PHKG1: variants seen among roughly 807,000 people sequenced by gnomAD.
PHKG1 encodes the protein phosphorylase kinase catalytic subunit gamma 1.
PHKG1 carries 48 observed loss-of-function variants against 50.5 expected under a neutral mutation model. The observed-to-expected ratio is 0.95, with a 90% CI of 0.75 to 1.21. PHKG1 has a LOEUF of 1.21. Ranked by LOEUF, PHKG1 falls within the 50% of genes most tolerant of loss-of-function variation. PHKG1 has a pLI of 0.00. For synonymous variants in PHKG1, 204 were observed against 212.8 expected (o/e 0.96, Z 0.36); for missense variants, 487 against 519.5 (o/e 0.94, Z 0.61).
At chr7:56,087,915 G>A in intron 2 of PHKG1, 139 bp from the exon 3 acceptor site, 2 of 656,204 alleles carry the variant, frequency 3.0e-6, no homozygotes, top group Non-Finnish European at 5.2e-6. Context: ...TTTGGAAATG[G>A]TGGATGAATA....
chr7:56,089,853 G>T (rs961068087), intron 1 of PHKG1, among the ~76,000 whole-genome samples: 25 of 151,990 alleles, frequency 1.6e-4, no homozygotes, highest in Non-Finnish European at 2.9e-4. Flanking sequence ...TAGAGACGGG[G>T]TCTCCCTATG....
intron 3 of PHKG1, 21 bp from the exon 4 acceptor site, chr7:56,087,045 T>C (rs769601308): frequency 6.3e-7 from 1 of 1,581,000 alleles, no homozygotes. Context: ...AATGGCTAGC[T>C]TGTCTCAAGT....
Position 56,082,257 on chromosome 7 carries a change from C to T in PHKG1, c.548-4G>A. ...TAACTGGGGGTCCCGCAGACCTCTG[C>T]AGGAACAGTCATCATCAGGGCAGGT... is the stretch of plus-strand genomic sequence containing the variant. On this transcript the variant is annotated splice_polypyrimidine_tract_variant and splice_region_variant and intron_variant, in intron 6 of 9. Transcript: ENST00000297373. 3 of 1,611,198 alleles carry T rather than the reference C, an allele frequency of 1.9e-6. No homozygotes were observed. The East Asian group carries it at 6.7e-5, about 36-fold the overall frequency.
intron 4 of PHKG1, among the ~76,000 whole-genome samples, chr7:56,085,906 G>A (rs1019653869): frequency 5.3e-5 from 8 of 151,190 alleles, no homozygotes; most frequent in African/African-American, 1.7e-4. Flanking sequence ...CCCAGGAGAC[G>A]GAGGTTGCAG....
chr7:56,087,046 T>C (rs772929955), intron 3 of PHKG1, 22 bp from the exon 4 acceptor site: 127 of 1,596,768 alleles, frequency 8.0e-5, no homozygotes, highest in Middle Eastern at 1.8e-4. Flanking sequence ...ATGGCTAGCT[T>C]GTCTCAAGTA....
In PHKG1 at chr7:56,081,755, C is replaced by T; in HGVS notation, c.793G>A (p.Val265Ile). The T allele has an allele frequency of 6.2e-7, 1 of 1,613,120 alleles. No individual in the cohort carries two copies. Among genetic ancestry groups the T allele is most frequent in the Non-Finnish European group, 8.5e-7 (1 of 1,179,436 alleles). ...GGTTGCACCACCAGGAATCGGGAGA[C>T]CTGTGAGAGGAGGAGAGGGGAACCG... Reference protein sequence around the residue: ...DDYSDTVKDLVSRFLVVQPQN... With the variant: ...DDYSDTVKDLISRFLVVQPQN... Residue 265 changes from valine to isoleucine, a missense_variant and splice_region_variant, in exon 9 of 10, where the codon GTC becomes ATC. Physicochemically the swap from Val to Ile is conservative, Grantham distance 29. Coordinates refer to ENST00000297373, the MANE Select transcript of PHKG1 (RefSeq NM_006213.5). This position sits in a 1 kb window ranked among gnomAD's most constrained non-coding sequence, Gnocchi z 4.6.
chr7:56,085,579 T>C (rs542905426), intron 4 of PHKG1, among the ~76,000 whole-genome samples: 1 of 152,310 alleles, frequency 6.6e-6, no homozygotes, highest in Admixed American at 6.5e-5. Flanking sequence ...ATGCAACCTC[T>C]ACCACCTGCC....
intron 4 of PHKG1, among the ~76,000 whole-genome samples, 163 bp from the exon 5 acceptor site, chr7:56,083,878 G>A (rs1042501777): frequency 4.6e-5 from 7 of 152,218 alleles, no homozygotes; most frequent in African/African-American, 1.7e-4. Context: ...AGTGAGAAGT[G>A]TTCTGGAAGA....
rs768793774 is a variant in PHKG1, at chr7:56,087,679, G to A, written c.181C>T (p.Pro61Ser). 1 of 1,613,994 alleles carries A rather than the reference G, an allele frequency of 6.2e-7. No individual in the cohort carries two copies. Among genetic ancestry groups the A allele is most frequent in the Non-Finnish European group, 8.5e-7 (1 of 1,180,030 alleles). Residue 61 changes from proline to serine, a missense_variant, in exon 3 of 10, where the codon CCG becomes TCG. Physicochemically the swap from Pro to Ser is moderately conservative, Grantham distance 74. Transcript: ENST00000297373. ...TCTCGCAGCTCCCGCACCTCCTCCG[G>A]GCTGAAGCTGCCTCCACCGGTGACG... is the stretch of plus-strand genomic sequence containing the variant. ...IDVTGGGSFSPEEVRELREAT... is the reference protein window; with the variant it reads ...IDVTGGGSFSSEEVRELREAT...
Position 56,080,890 on chromosome 7 carries a change from G to A in PHKG1, c.*164C>T. 1.3e-6 allele frequency: 1 copy of A among 794,922 alleles called. No homozygotes were observed. 49.2% of individuals were successfully genotyped at this position (794,922 alleles called of 1,614,324 possible). A position where few individuals can be genotyped will look rare whatever the true frequency, so the allele number is the denominator to read the frequency against. On this transcript the variant is annotated 3_prime_UTR_variant, in exon 10 of 10. Coordinates refer to ENST00000297373, the MANE Select transcript of PHKG1 (RefSeq NM_006213.5). ...TGTGGTGGGAACACCCACTTCCCTTGTGCACAGCCTTTGAGAGGGGATCGT... is the reference window on the plus strand; with the variant it reads ...TGTGGTGGGAACACCCACTTCCCTTATGCACAGCCTTTGAGAGGGGATCGT...
In PHKG1 at chr7:56,082,001, C is replaced by G. The variant is rs370632474; in HGVS notation, c.684G>C (p.Pro228=). ...VIMYTLLAGS[P]PFWHRKQMLM... Reference sequence around the variant, plus strand: ...GCATCTGCTTCCGGTGCCAGAAGGGCGGGGAGCCGGCCAGCAGCGTGTACA... The same window carrying G: ...GCATCTGCTTCCGGTGCCAGAAGGGGGGGGAGCCGGCCAGCAGCGTGTACA... Residue 228 remains proline (P), a synonymous_variant, in exon 8 of 10, where the codon CCG becomes CCC. Transcript: ENST00000297373. 3.1e-6 allele frequency: 5 copies of G among 1,613,768 alleles called. No homozygotes were observed. In the East Asian group the frequency reaches 1.1e-4, roughly 36 times the overall value.
Position 56,088,969 on chromosome 7 carries a change from G to A in PHKG1, c.-28C>T. The A allele has an allele frequency of 6.5e-7, 1 of 1,546,576 alleles. No individual in the cohort carries two copies. The highest frequency in any genetic ancestry group is 8.9e-7 in the Non-Finnish European group (1 of 1,119,872). ...TCAGATCTTCAGTGAGGGAACTCTG[G>A]GTGGCTCTGAGAGGGGAAAAGAAAG... On this transcript the variant is annotated 5_prime_UTR_variant, in exon 2 of 10. Transcript: ENST00000297373.
At chr7:56,088,504 G>A (rs1796363026) in intron 2 of PHKG1, 2 of 156,158 alleles carry the variant, frequency 1.3e-5, no homozygotes, top group African/African-American at 5.0e-5. Context: ...CAACCTGGAT[G>A]ACAGGGCAAG....
chr7:56,088,216 C>G (rs574273448), intron 2 of PHKG1, among the ~76,000 whole-genome samples: 2 of 151,732 alleles, frequency 1.3e-5, no homozygotes, highest in South Asian at 2.1e-4. Context: ...TGTATTTTTA[C>G]TGGAGATGGG....
chr7:56,081,489 C>G lies in PHKG1; in HGVS notation c.918+141G>C. 3 of 1,253,320 alleles carry G rather than the reference C, an allele frequency of 2.4e-6. No homozygotes were observed. Among genetic ancestry groups the G allele is most frequent in the Non-Finnish European group, 3.3e-6 (3 of 895,626 alleles). The allele number at this position is 1,253,320 out of a possible 1,614,324, so 77.6% of individuals were successfully genotyped here. A position where few individuals can be genotyped will look rare whatever the true frequency, so the allele number is the denominator to read the frequency against. On this transcript the variant is annotated intron_variant, in intron 9 of 9. Transcript: ENST00000297373. The surrounding 1 kb of genome is among the most constrained non-coding windows in gnomAD (Gnocchi z 4.6). ...GAGCCAGTGGGCTGACACCTGCCGT[C>G]TTTGAAGCCATCACAGGGCAGCTGG... is the stretch of plus-strand genomic sequence containing the variant.
chr7:56,086,088 T>C (rs1394175805), intron 4 of PHKG1, among the ~76,000 whole-genome samples: 2 of 151,596 alleles, frequency 1.3e-5, no homozygotes, highest in African/African-American at 4.8e-5. Context: ...TGACCGACCT[T>C]ACATCCTGCC....
chr7:56,088,728 G>C lies in PHKG1; in HGVS notation c.83+131C>G, dbSNP rs559952561. ...CAGGAGGGCAGGACCCCAAACAAAGGGTTTCTCCAAGTGAACAGCACTTTG... is the reference window on the plus strand; with the variant it reads ...CAGGAGGGCAGGACCCCAAACAAAGCGTTTCTCCAAGTGAACAGCACTTTG... On this transcript the variant is annotated intron_variant, in intron 2 of 9. Transcript: ENST00000297373. 40 of 628,366 alleles carry C rather than the reference G, an allele frequency of 6.4e-5. 2 individuals are homozygous for C. The highest frequency in any genetic ancestry group is 2.9e-4 in the African/African-American group (16 of 54,684). 38.9% of individuals were successfully genotyped at this position (628,366 alleles called of 1,614,324 possible).
Position 56,081,239 on chromosome 7 carries a change from G to A in PHKG1, c.979C>T (p.Pro327Ser). 6.2e-7 allele frequency: 1 copy of A among 1,613,400 alleles called. No individual in the cohort carries two copies. The highest frequency in any genetic ancestry group is 8.5e-7 in the Non-Finnish European group (1 of 1,179,902). The change falls in exon 10 of 10, where the codon CCT (proline) becomes TCT (serine). Residue 327 changes from proline (P) to serine (S), a missense_variant. Transcript: ENST00000297373. This position sits in a 1 kb window ranked among gnomAD's most constrained non-coding sequence, Gnocchi z 4.6. ...RIYYQYRRVK[P>S]VTREIVIRDP... Reference sequence around the variant, plus strand: ...CGGATGACGATCTCCCGGGTCACAGGCTTCACCCGGCGGTACTGGTAGTAG... The same window carrying A: ...CGGATGACGATCTCCCGGGTCACAGACTTCACCCGGCGGTACTGGTAGTAG...
At chr7:56,090,650 GC>G (rs767378038) in intron 1 of PHKG1, among the ~76,000 whole-genome samples, 32 of 152,052 alleles carry the variant, frequency 2.1e-4, no homozygotes, top group Non-Finnish European at 4.0e-4. Flanking sequence ...AGCCATCTCT[GC>G]CCCCCATACC....
Sources: gnomAD v4.1 joint callset for allele counts (sites outside exome capture counted in the v4.1 genomes callset) on GRCh38, gnomAD v4.1.1 for gene constraint, Gnocchi (gnomAD v3.1) non-coding constraint, MANE v1.5 for transcripts, NCBI Gene and HGNC (gene_info 2026-07-23, HGNC 2026-07-21) for gene names.